Variants in P2RX7 observed in about 807,000 individuals in gnomAD.
P2RX7 encodes P2X purinoceptor 7.
In P2RX7, 62 loss-of-function variants were observed where a neutral mutation model predicts 71.6. That is an observed-to-expected ratio of 0.87 (90% CI 0.71 to 1.07). The LOEUF (loss-of-function observed/expected upper bound fraction) is 1.07, where lower values mean the gene tolerates loss of function less well. Among genes scored for constraint, P2RX7 ranks in the 50% least tolerant of loss-of-function variants. The pLI, the probability that P2RX7 is intolerant of heterozygous loss-of-function variation, is 0.00. For synonymous variants in P2RX7, 299 were observed against 283.3 expected, an observed-to-expected ratio of 1.06 and a Z score of -0.56; for missense variants, 686 against 748.5, an observed-to-expected ratio of 0.92 and a Z score of 0.97.
At chr12:121,157,182 A>G (rs1030218783) in intron 3 of P2RX7, among the ~76,000 whole-genome samples, 44 of 151,996 alleles carry the variant, frequency 2.9e-4, no homozygotes, top group African/African-American at 8.5e-4. Flanking sequence ...CATTTCCAAC[A>G]CTGACCGTTG....
intron 5 of P2RX7, among the ~76,000 whole-genome samples, chr12:121,163,348 A>ACACACG (rs1206518421): frequency 7.8e-6 from 1 of 127,968 alleles, no homozygotes; most frequent in African/African-American, 3.0e-5. Flanking sequence ...ACACACACAC[A>ACACACG]CACACACACG....
chr12:121,166,138 G>A lies in P2RX7; in HGVS notation c.695G>A (p.Gly232Glu). The A allele has an allele frequency of 1.2e-6, 2 of 1,614,056 alleles. No individual in the cohort carries two copies. The highest frequency in any genetic ancestry group is 1.7e-6 in the Non-Finnish European group (2 of 1,179,952). The change falls in exon 7 of 13, where the codon GGA (glycine) becomes GAA (glutamate). Residue 232 changes from glycine to glutamate, a missense_variant. By Grantham distance (98) the Gly-to-Glu change is moderately conservative. Transcript: ENST00000328963. ...QNPQCPIFRL[G>E]DIFRETGDNF... ...CCACAGTGTCCCATTTTCCGACTAG[G>A]AGACATCTTCCGAGAAACAGGCGAT... is the stretch of plus-strand genomic sequence containing the variant.
intron 1 of P2RX7, among the ~76,000 whole-genome samples, chr12:121,148,663 G>A (rs898592714): frequency 8.5e-5 from 13 of 152,190 alleles, no homozygotes; most frequent in African/African-American, 3.1e-4. Context: ...GCAACAACCA[G>A]AAACTAATAC....
chr12:121,165,745 T>C (rs1880882903), intron 6 of P2RX7, among the ~76,000 whole-genome samples: 2 of 152,296 alleles, frequency 1.3e-5, no homozygotes, highest in South Asian at 4.1e-4. Context: ...ACCACTTGAG[T>C]ATCCTTGGTA....
chr12:121,163,790 C>T (rs563619911), intron 5 of P2RX7, among the ~76,000 whole-genome samples: 1 of 152,248 alleles, frequency 6.6e-6, no homozygotes, highest in African/African-American at 2.4e-5. Context: ...TTTAAATAGC[C>T]ACACATGTCT....
At chr12:121,141,816 A>G (rs1387224304) in intron 1 of P2RX7, among the ~76,000 whole-genome samples, 1 of 152,116 alleles carries the variant, frequency 6.6e-6, no homozygotes, top group Admixed American at 6.6e-5. Context: ...TCATGACCTG[A>G]ACAGCCTAAC....
intron 11 of P2RX7, among the ~76,000 whole-genome samples, chr12:121,180,046 G>A (rs1883855860): frequency 6.6e-6 from 1 of 151,436 alleles, no homozygotes; most frequent in Admixed American, 6.6e-5. Context: ...CTACTCAGGA[G>A]GCTGAGGCAG....
chr12:121,184,397 G>C lies in P2RX7; in HGVS notation c.1383G>C (p.Leu461=). 3.1e-6 allele frequency: 5 copies of C among 1,614,122 alleles called. No homozygotes were observed. The highest frequency in any genetic ancestry group is 4.2e-6 in the Non-Finnish European group (5 of 1,180,028). Residue 461 remains leucine (L), a synonymous_variant, in exon 13 of 13, where the codon CTG becomes CTC. Coordinates refer to ENST00000328963, the MANE Select transcript of P2RX7 (RefSeq NM_002562.6). ...CTGGACAACCAGAGGAGATACAGCT[G>C]CTTAGAAAGGAGGCGACTCCTAGAT... ...PIPGQPEEIQ[L]LRKEATPRSR...
intron 1 of P2RX7, among the ~76,000 whole-genome samples, chr12:121,153,981 G>A (rs575799680): frequency 6.6e-6 from 1 of 152,198 alleles, no homozygotes; most frequent in Admixed American, 6.5e-5. Flanking sequence ...AACTAGCTGA[G>A]CATGGTGATA....
Position 121,156,292 on chromosome 12 carries a change from T to G in P2RX7, c.363+145T>G. The G allele has an allele frequency of 1.8e-5, 12 of 653,606 alleles. No homozygotes were observed. The South Asian group carries it at 2.2e-4, about 12-fold the overall frequency. The allele number at this position is 653,606 out of a possible 1,614,324, so 40.5% of individuals were successfully genotyped here. Reference sequence around the variant, plus strand: ...ACCTGCCTCTTTTGTGGGGTAGGGCTGGGCTGAGTGGAGGAAGGGAGAGAA... The same window carrying G: ...ACCTGCCTCTTTTGTGGGGTAGGGCGGGGCTGAGTGGAGGAAGGGAGAGAA... On this transcript the variant is annotated intron_variant, in intron 3 of 12. Coordinates refer to ENST00000328963, the MANE Select transcript of P2RX7 (RefSeq NM_002562.6).
At chr12:121,177,562 T>C in intron 11 of P2RX7, 116 bp downstream of exon 11, 1 of 1,034,694 alleles carries the variant, frequency 9.7e-7, no homozygotes, top group Non-Finnish European at 1.5e-6. Context: ...GATACGTCGC[T>C]GGGTTCTACC....
chr12:121,180,559 A>C, intron 12 of P2RX7, 104 bp downstream of exon 12: 1 of 583,044 alleles, frequency 1.7e-6, no homozygotes, highest in Non-Finnish European at 3.0e-6. Flanking sequence ...GATTTTAACA[A>C]AGTAAACATA....
Position 121,173,896 on chromosome 12 carries a change from G to A in P2RX7, c.882-1492G>A, listed in dbSNP as rs148775892. Among the ~76,000 whole-genome samples the A allele has an allele frequency of 2.5e-3, 375 of 152,188 alleles. 2 individuals carry two copies. The highest frequency in any genetic ancestry group is 8.5e-3 in the African/African-American group (354 of 41,534). ...GGAGATGTAAACAACTTCAGCCTTG[G>A]GAGGCCAAGATGAAAGGATGGCTTG... On this transcript the variant is annotated intron_variant, in intron 8 of 12. Coordinates refer to ENST00000328963, the MANE Select transcript of P2RX7 (RefSeq NM_002562.6).
At chr12:121,148,188 T>TTTTTTTTATTTATTTA (rs1555223903) in intron 1 of P2RX7, among the ~76,000 whole-genome samples, 1 of 140,414 alleles carries the variant, frequency 7.1e-6, no homozygotes, top group Non-Finnish European at 1.5e-5. Context: ...CTGGGATCTT[T>TTTTTTTTATTTATTTA]TTTATTTATT....
At position 121,163,580 on chromosome 12, in the gene P2RX7, A is replaced by AG. The variant is rs10668025; in HGVS notation, c.533+1060_533+1061insG. 5.5e-3 allele frequency among the ~76,000 whole-genome samples: 425 copies of AG among 77,690 alleles called. 2 individuals are homozygous for AG. The highest frequency in any genetic ancestry group is 0.019 in the African/African-American group (399 of 20,476). 51.0% of individuals were successfully genotyped at this position (77,690 alleles called of 152,430 possible). On this transcript the variant is annotated intron_variant, in intron 5 of 12. Coordinates refer to ENST00000328963, the MANE Select transcript of P2RX7 (RefSeq NM_002562.6). Reference sequence around the variant, plus strand: ...AAGATAGATAGATAGATAAATAGATAATAGATAGATAGACAGGTAGATAGA... The same window carrying AG: ...AAGATAGATAGATAGATAAATAGATAGATAGATAGATAGACAGGTAGATAGA...
chr12:121,160,772 C>G, intron 3 of P2RX7, 130 bp from the exon 4 acceptor site: 2 of 805,032 alleles, frequency 2.5e-6, no homozygotes, highest in South Asian at 2.8e-5. Flanking sequence ...GTGGTTTCCA[C>G]TTTTTTGGCG....
At chr12:121,169,294 T>C (rs949945905) in intron 8 of P2RX7, among the ~76,000 whole-genome samples, 1 of 152,136 alleles carries the variant, frequency 6.6e-6, no homozygotes, top group East Asian at 1.9e-4. Context: ...GGATTTTTAT[T>C]TGGTGCTTTT....
At chr12:121,178,988 C>A (rs1327897583) in intron 11 of P2RX7, among the ~76,000 whole-genome samples, 1 of 151,840 alleles carries the variant, frequency 6.6e-6, no homozygotes, top group African/African-American at 2.4e-5. Flanking sequence ...TACACACACA[C>A]ACACATACAT....
At chr12:121,148,206 T>C (rs1876634141) in intron 1 of P2RX7, among the ~76,000 whole-genome samples, 1 of 150,212 alleles carries the variant, frequency 6.7e-6, no homozygotes, top group Non-Finnish European at 1.5e-5. Flanking sequence ...ATTTATTTAT[T>C]TATTTATTTA....
Sources: gnomAD v4.1 joint callset for allele counts (sites outside exome capture counted in the v4.1 genomes callset) on GRCh38, gnomAD v4.1.1 for gene constraint, MANE v1.5 for transcripts, NCBI Gene and HGNC (gene_info 2026-07-23, HGNC 2026-07-21) for gene names.